DRD3: variants seen among roughly 807,000 people sequenced by gnomAD.
The protein encoded by DRD3 is dopamine receptor D3.
In DRD3, 19 loss-of-function variants were observed where a neutral mutation model predicts 36.3. The observed-to-expected ratio is 0.52, with a 90% CI of 0.36 to 0.77. DRD3 has a LOEUF of 0.77. DRD3 is among the 30% of genes least tolerant of loss of function. The pLI is 0.00. For synonymous variants in DRD3, 195 were observed against 203.7 expected (o/e 0.96, Z 0.36); for missense variants, 465 against 505.3 (o/e 0.92, Z 0.77).
chr3:114,153,833 T>C (rs1180814987), intron 3 of DRD3, among the ~76,000 whole-genome samples: 4 of 152,174 alleles, frequency 2.6e-5, no homozygotes, highest in African/African-American at 4.8e-5. Context: ...TTTATTTATA[T>C]AGTGAGGGTA....
At chr3:114,134,467 T>A (rs1040930533) in intron 5 of DRD3, among the ~76,000 whole-genome samples, 1 of 152,144 alleles carries the variant, frequency 6.6e-6, no homozygotes, top group African/African-American at 2.4e-5. Flanking sequence ...GTCACCAGGC[T>A]GGAGTGAAGT....
intron 4 of DRD3, among the ~76,000 whole-genome samples, chr3:114,140,074 G>A (rs2077511583): frequency 6.6e-6 from 1 of 152,198 alleles, no homozygotes; most frequent in Non-Finnish European, 1.5e-5. Flanking sequence ...GAGCATTACA[G>A]GGCAACAGGG....
upstream of DRD3, among the ~76,000 whole-genome samples, chr3:114,181,944 T>A (rs1441166460): frequency 6.6e-6 from 1 of 152,180 alleles, no homozygotes. Flanking sequence ...TGAAGCATTA[T>A]GGGGAGGCAA....
At chr3:114,134,151 T>C (rs1231043100) in intron 5 of DRD3, among the ~76,000 whole-genome samples, 1 of 152,254 alleles carries the variant, frequency 6.6e-6, no homozygotes, top group Non-Finnish European at 1.5e-5. Context: ...CTCGCTTTGG[T>C]TTCCTTAGTT....
intron 4 of DRD3, among the ~76,000 whole-genome samples, chr3:114,142,232 A>C (rs1305726958): frequency 6.6e-6 from 1 of 152,024 alleles, no homozygotes; most frequent in Non-Finnish European, 1.5e-5. Flanking sequence ...TCCTTCTCTG[A>C]AGTCAGCTTT....
intron 3 of DRD3, among the ~76,000 whole-genome samples, chr3:114,152,633 T>G (rs1267862980): frequency 6.6e-6 from 1 of 152,246 alleles, no homozygotes; most frequent in Non-Finnish European, 1.5e-5. Flanking sequence ...GCAAGAACTC[T>G]GCCAGCACGG....
intron 4 of DRD3, 24 bp downstream of exon 4, chr3:114,147,391 T>C: frequency 1.2e-6 from 2 of 1,605,000 alleles, no homozygotes; most frequent in Non-Finnish European, 1.7e-6. Flanking sequence ...ACATGGATGC[T>C]AGAAATGAAG....
chr3:114,146,504 G>A (rs1056434898), intron 4 of DRD3, among the ~76,000 whole-genome samples: 2 of 152,032 alleles, frequency 1.3e-5, no homozygotes, highest in Non-Finnish European at 2.9e-5. Context: ...GATCACTTGA[G>A]GTCAGGAGTT....
chr3:114,139,394 T>A (rs2077503471), intron 5 of DRD3, 106 bp downstream of exon 5: 5 of 1,111,974 alleles, frequency 4.5e-6, no homozygotes, highest in Non-Finnish European at 5.1e-6. Context: ...GTGTCAGATT[T>A]GTGTCTCCAA....
rs144611669 is a variant in DRD3 at position 114,131,276 on chromosome 3, C to T, written c.848G>A (p.Arg283Gln). ...CGCTATGGTGGGACTCAGGGAATTC[C>T]GAGTCTTCTCCTCTCTTTTCAACTC... ...GGELKREEKT[R>Q]NSLSPTIAPK... The change falls in exon 6 of 7, where the codon CGG (arginine) becomes CAG (glutamine). Residue 283 changes from arginine to glutamine, a missense_variant. By Grantham distance (43) the Arg-to-Gln change is conservative. Transcript: ENST00000383673. The T allele has an allele frequency of 2.3e-4, 369 of 1,614,062 alleles. No individual in the cohort carries two copies. The highest frequency in any genetic ancestry group is 4.0e-4 in the Admixed American group (24 of 59,994).
chr3:114,179,649 T>C (rs527659919), upstream of DRD3, among the ~76,000 whole-genome samples: 1 of 152,338 alleles, frequency 6.6e-6, no homozygotes, highest in Admixed American at 6.5e-5. Flanking sequence ...TACATTTTAC[T>C]GTGGCATCCT....
chr3:114,162,450 C>T (rs2077742299), intron 2 of DRD3, among the ~76,000 whole-genome samples: 1 of 152,142 alleles, frequency 6.6e-6, no homozygotes, highest in Admixed American at 6.5e-5. Context: ...TGCTGCTGCA[C>T]CCCCAGCTCC....
At chr3:114,164,220 CAAAAAAAAAA>C (rs34500434) in intron 2 of DRD3, among the ~76,000 whole-genome samples, 22 of 17,774 alleles carry the variant, frequency 1.2e-3, no homozygotes, top group Middle Eastern at 0.083. Flanking sequence ...GCCTCAGTCT[CAAAAAAAAAA>C]AAAAAAAAAA....
intron 2 of DRD3, among the ~76,000 whole-genome samples, chr3:114,170,409 C>T (rs2107882492): frequency 6.6e-6 from 1 of 152,292 alleles, no homozygotes; most frequent in African/African-American, 2.4e-5. Context: ...TAGTCTCTGA[C>T]TTCAAGGTTG....
At chr3:114,180,941 A>T (rs781685516), upstream of DRD3, among the ~76,000 whole-genome samples, 1 of 152,166 alleles carries the variant, frequency 6.6e-6, no homozygotes, top group Non-Finnish European at 1.5e-5. Context: ...TAAGAACCTC[A>T]TATCACTCAT....
At chr3:114,129,980 C>T (rs1248803801) in intron 6 of DRD3, among the ~76,000 whole-genome samples, 1 of 152,082 alleles carries the variant, frequency 6.6e-6, no homozygotes, top group Non-Finnish European at 1.5e-5. Context: ...ATCACTTGAA[C>T]CCAGGAGGCA....
chr3:114,163,292 C>T (rs1055329158), intron 2 of DRD3, among the ~76,000 whole-genome samples: 3 of 151,888 alleles, frequency 2.0e-5, no homozygotes, highest in Admixed American at 6.6e-5. Context: ...TATTGACATC[C>T]TCCATATCAA....
At chr3:114,195,911 G>A (rs2078033730) in intron 1 of DRD3, among the ~76,000 whole-genome samples, 1 of 152,160 alleles carries the variant, frequency 6.6e-6, no homozygotes, top group East Asian at 1.9e-4. Flanking sequence ...GAGCAATCTG[G>A]TTAAAATATA....
At chr3:114,155,315 T>C (rs1315822450) in intron 3 of DRD3, among the ~76,000 whole-genome samples, 1 of 152,190 alleles carries the variant, frequency 6.6e-6, no homozygotes, top group African/African-American at 2.4e-5. Context: ...GGGGGCTCCA[T>C]TTTGAGGCTT....
Sources: gnomAD v4.1 joint callset for allele counts (sites outside exome capture counted in the v4.1 genomes callset) on GRCh38, gnomAD v4.1.1 for gene constraint, MANE v1.5 for transcripts, NCBI Gene and HGNC (gene_info 2026-07-23, HGNC 2026-07-21) for gene names.